INVS: variants seen among roughly 807,000 people sequenced by gnomAD.
The protein encoded by INVS is inversin.
In INVS, 86 loss-of-function variants were observed where a neutral mutation model predicts 108.8. That is an observed-to-expected ratio of 0.79 (90% CI 0.66 to 0.95). The LOEUF is 0.95. Among genes scored for constraint, INVS ranks in the 40% least tolerant of loss-of-function variants. The pLI, the probability that INVS is intolerant of heterozygous loss-of-function variation, is 0.00. For missense variants in INVS, 1,169 were observed against 1,297.4 expected (o/e 0.90, Z 1.52); for synonymous variants, 455 against 473.5 (o/e 0.96, Z 0.51).
intron 2 of INVS, chr9:100,120,710 T>G (rs1466109945): frequency 6.6e-6 from 1 of 152,236 alleles, no homozygotes; most frequent in Non-Finnish European, 1.5e-5. Flanking sequence ...TCTATCTTGT[T>G]GTTGGGGTGA....
At chr9:100,100,163 CA>C (rs1451174206) in intron 1 of INVS, among the ~76,000 whole-genome samples, 5 of 152,022 alleles carry the variant, frequency 3.3e-5, no homozygotes, top group Admixed American at 6.6e-5. Context: ...AGCACTTTAT[CA>C]AAGTGGTTTT....
intron 2 of INVS, among the ~76,000 whole-genome samples, chr9:100,122,704 C>T (rs780998735): frequency 6.6e-6 from 1 of 151,016 alleles, no homozygotes; most frequent in Non-Finnish European, 1.5e-5. Context: ...CTGCCTCAGC[C>T]TCCAAGGTGG....
At chr9:100,216,096 A>AC (rs1830977600) in intron 3 of INVS, among the ~76,000 whole-genome samples, 1 of 152,146 alleles carries the variant, frequency 6.6e-6, no homozygotes, top group Admixed American at 6.5e-5. Context: ...TACTGTGGGT[A>AC]TCTATGTGAG....
intron 10 of INVS, 103 bp from the exon 11 acceptor site, chr9:100,264,719 A>G (rs1239190053): frequency 4.9e-6 from 4 of 812,458 alleles, no homozygotes; most frequent in Middle Eastern, 2.2e-4. Flanking sequence ...TAAATAAGCA[A>G]TTTGGAAAAA....
At chr9:100,219,881 G>GATAT (rs61219577) in intron 3 of INVS, among the ~76,000 whole-genome samples, 5 of 148,088 alleles carry the variant, frequency 3.4e-5, no homozygotes, top group East Asian at 4.0e-4. Context: ...GTCGTTTATG[G>GATAT]ATATATATAT....
intron 2 of INVS, among the ~76,000 whole-genome samples, chr9:100,105,157 T>G (rs890090045): frequency 3.9e-5 from 6 of 152,202 alleles, no homozygotes; most frequent in African/African-American, 1.4e-4. Context: ...AAGATCCATC[T>G]TTCTATCACA....
intron 3 of INVS, among the ~76,000 whole-genome samples, chr9:100,167,866 C>CA (rs1337061647): frequency 5.3e-5 from 8 of 151,982 alleles, no homozygotes; most frequent in African/African-American, 1.7e-4. Context: ...ATATTGTGGG[C>CA]AAAAAACATA....
chr9:100,164,186 A>T (rs1403488920), intron 3 of INVS, among the ~76,000 whole-genome samples: 5 of 152,162 alleles, frequency 3.3e-5, no homozygotes, highest in African/African-American at 1.2e-4. Flanking sequence ...TACATTCTGG[A>T]TTGACTAAAT....
intron 8 of INVS, among the ~76,000 whole-genome samples, chr9:100,248,561 T>TA (rs1463241299): frequency 6.6e-6 from 1 of 152,148 alleles, no homozygotes; most frequent in African/African-American, 2.4e-5. Context: ...AAATAAACTA[T>TA]AAAAAATGTT....
At chr9:100,112,816 T>G (rs953148513) in intron 2 of INVS, among the ~76,000 whole-genome samples, 1 of 152,214 alleles carries the variant, frequency 6.6e-6, no homozygotes, top group Non-Finnish European at 1.5e-5. Context: ...TCCCAGAATG[T>G]GAGATGGCCT....
At position 100,284,364 on chromosome 9, in the gene INVS, A is replaced by G. The variant is rs1366173545; in HGVS notation, c.1829A>G (p.Lys610Arg). Residue 610 changes from lysine (K) to arginine (R), a missense_variant, in exon 13 of 17, where the codon AAA becomes AGA. Physicochemically the swap from Lys to Arg is conservative, Grantham distance 26. Around this residue, in one of 3 missense-constraint regions of INVS, gnomAD observed 271 missense variants for 363.8 expected, o/e 0.74. Coordinates refer to ENST00000262457, the MANE Select transcript of INVS (RefSeq NM_014425.5). Reference protein sequence around the residue: ...ENKRKEAEQQKGRRSPDSCRP... With the variant: ...ENKRKEAEQQRGRRSPDSCRP... ...AAACGAAAAGAGGCAGAACAGCAAAAAGGAAGGCGGAGCCCAGATTCCTGC... is the reference window on the plus strand; with the variant it reads ...AAACGAAAAGAGGCAGAACAGCAAAGAGGAAGGCGGAGCCCAGATTCCTGC... The G allele has an allele frequency of 1.2e-6, 2 of 1,613,604 alleles. No individual in the cohort carries two copies. Among genetic ancestry groups the G allele is most frequent in the Admixed American group, 1.7e-5 (1 of 60,036 alleles).
chr9:100,252,214 G>T (rs1832258121), intron 8 of INVS, 69 bp from the exon 9 acceptor site: 1 of 1,435,460 alleles, frequency 7.0e-7, no homozygotes, highest in Non-Finnish European at 9.8e-7. Flanking sequence ...GAGAGGAAAA[G>T]ACATATAATA....
chr9:100,290,532 A>G (rs548686918), intron 13 of INVS, among the ~76,000 whole-genome samples: 1 of 151,964 alleles, frequency 6.6e-6, no homozygotes, highest in South Asian at 2.1e-4. Context: ...TTGTATTTTT[A>G]GTAGAGACAG....
chr9:100,226,623 G>A (rs1021355572), intron 4 of INVS, among the ~76,000 whole-genome samples: 1 of 151,960 alleles, frequency 6.6e-6, no homozygotes, highest in African/African-American at 2.4e-5. Flanking sequence ...GACTGGCCTG[G>A]CCAACATAGT....
chr9:100,211,132 T>A (rs1830819804), intron 3 of INVS, among the ~76,000 whole-genome samples: 2 of 152,052 alleles, frequency 1.3e-5, no homozygotes, highest in South Asian at 4.1e-4. Context: ...TTTGAGAACT[T>A]CTTTTGCTAG....
At chr9:100,180,774 T>G (rs1829864905) in intron 3 of INVS, among the ~76,000 whole-genome samples, 1 of 152,174 alleles carries the variant, frequency 6.6e-6, no homozygotes, top group Non-Finnish European at 1.5e-5. Context: ...CCCTACCTCA[T>G]TTTATGAGGC....
intron 12 of INVS, among the ~76,000 whole-genome samples, chr9:100,275,806 T>A (rs1343731993): frequency 6.6e-6 from 1 of 152,200 alleles, no homozygotes; most frequent in African/African-American, 2.4e-5. Context: ...ACAGGTAATG[T>A]TAGAAAATGC....
chr9:100,256,272 AT>A (rs1469021308), intron 10 of INVS, among the ~76,000 whole-genome samples: 1 of 151,912 alleles, frequency 6.6e-6, no homozygotes, highest in African/African-American at 2.4e-5. Flanking sequence ...TCCCTTTATC[AT>A]TTTTTATTGC....
intron 16 of INVS, 48 bp from the exon 17 acceptor site, chr9:100,300,519 GC>G: frequency 7.9e-7 from 1 of 1,263,080 alleles, no homozygotes; most frequent in Non-Finnish European, 1.2e-6. Flanking sequence ...ATTCCCTTCA[GC>G]CTTAAAATTA....
Sources: allele counts gnomAD v4.1 joint callset (sites outside exome capture counted in the v4.1 genomes callset), GRCh38; gene constraint gnomAD v4.1.1; regional missense constraint gnomAD v4.1.1; transcripts MANE v1.5; gene names NCBI Gene and HGNC (gene_info 2026-07-23, HGNC 2026-07-21).